The following DSCAML1 variants were observed in gnomAD, a reference collection of about 807,000 sequenced individuals.
DSCAML1 encodes the protein cell adhesion molecule DSCAML1.
In DSCAML1, 38 loss-of-function variants were observed where a neutral mutation model predicts 200.5. That is an observed-to-expected ratio of 0.19 (90% CI 0.15 to 0.25). The LOEUF is 0.25. Among genes scored for constraint, DSCAML1 ranks in the 10% least tolerant of loss-of-function variants. DSCAML1 has a pLI of 1.00. For missense variants in DSCAML1, 2,223 were observed against 2,858.8 expected (o/e 0.78, Z 5.07); for synonymous variants, 1,215 against 1,165.0 (o/e 1.04, Z -0.87).
chr11:117,471,364 G>T (rs1018793204), intron 15 of DSCAML1, among the ~76,000 whole-genome samples: 1 of 152,166 alleles, frequency 6.6e-6, no homozygotes, highest in African/African-American at 2.4e-5. Flanking sequence ...TAGAGACAGG[G>T]TTTCACCAAG....
At position 117,699,706 on chromosome 11, in the gene DSCAML1, G is replaced by C. The variant is rs978280216; in HGVS notation, c.511+77085C>G. Among the ~76,000 whole-genome samples the C allele has an allele frequency of 3.9e-5, 6 of 152,202 alleles. No homozygotes were observed. In the South Asian group the frequency reaches 6.2e-4, roughly 16 times the overall value. On this transcript the variant is annotated intron_variant, in intron 3 of 32. Transcript: ENST00000651296. ...CCCAGTACCCACAGTGGCTCTGAAG[G>C]CTCCCCCAACTACTTCTGCTCCATC...
Position 117,428,759 on chromosome 11 carries a change from A to G in DSCAML1, c.5731T>C (p.Phe1911Leu). 1 of 1,611,776 alleles carries G rather than the reference A, an allele frequency of 6.2e-7. No individual in the cohort carries two copies. The highest frequency in any genetic ancestry group is 8.5e-7 in the Non-Finnish European group (1 of 1,179,340). The change falls in exon 33 of 33, where the codon TTT becomes CTT. Residue 1911 changes from phenylalanine to leucine, a missense_variant. Transcript: ENST00000651296. ...GGCTCACGTCCATCTGCCTTTCGAA[A>G]GAAGGCCTCTGACTTGGCATACAGG... ...LPLYAKSEAF[F>L]RKADGREPCP...
At chr11:117,443,594 G>A (rs565759186) in intron 21 of DSCAML1, among the ~76,000 whole-genome samples, 1 of 152,322 alleles carries the variant, frequency 6.6e-6, no homozygotes, top group East Asian at 1.9e-4. Flanking sequence ...GGGGGTAGAG[G>A]CGACTCCCCC....
chr11:117,722,805 T>C (rs905566918), intron 3 of DSCAML1, among the ~76,000 whole-genome samples: 2 of 152,188 alleles, frequency 1.3e-5, no homozygotes, highest in South Asian at 4.1e-4. Context: ...GTTTCAGATA[T>C]GTTGCTGACA....
intron 3 of DSCAML1, among the ~76,000 whole-genome samples, chr11:117,654,586 T>G (rs1258625729): frequency 6.6e-6 from 1 of 152,124 alleles, no homozygotes; most frequent in African/African-American, 2.4e-5. Context: ...CATGAGCACA[T>G]GGAATCGGAA....
At chr11:117,650,432 GAAT>G (rs768346239) in intron 3 of DSCAML1, among the ~76,000 whole-genome samples, 2 of 152,156 alleles carry the variant, frequency 1.3e-5, no homozygotes, top group Non-Finnish European at 2.9e-5. Context: ...ATGAATGAAT[GAAT>G]GCCCTGAAGA....
chr11:117,720,869 C>T (rs948106), intron 3 of DSCAML1, among the ~76,000 whole-genome samples: 143,368 of 152,320 alleles, frequency 0.94, 67,661 homozygotes, highest in South Asian at 0.99. Context: ...ATTACCATTA[C>T]TAGTTAACCA....
chr11:117,653,811 C>A (rs2052680594), intron 3 of DSCAML1, among the ~76,000 whole-genome samples: 1 of 152,164 alleles, frequency 6.6e-6, no homozygotes, highest in South Asian at 2.1e-4. Flanking sequence ...ACCAAAATGT[C>A]CATCAACTGG....
At chr11:117,562,033 A>G (rs776950018) in intron 3 of DSCAML1, among the ~76,000 whole-genome samples, 10 of 152,182 alleles carry the variant, frequency 6.6e-5, no homozygotes, top group Non-Finnish European at 1.0e-4. Flanking sequence ...GGCAGGGAGG[A>G]GGCGTAGACT....
At position 117,740,471 on chromosome 11, in the gene DSCAML1, G is replaced by C. The variant is rs192065067; in HGVS notation, c.511+36320C>G. Among the ~76,000 whole-genome samples the C allele has an allele frequency of 3.2e-4, 48 of 152,254 alleles. 2 individuals are homozygous for C. In the East Asian group the frequency reaches 8.1e-3, roughly 26 times the overall value. On this transcript the variant is annotated intron_variant, in intron 3 of 32. Transcript: ENST00000651296. ...TTCAGTGCTAAAACCTGAGTCCTGG[G>C]AGAACCAGGACAAGCTGGTCACCCT...
At chr11:117,535,548 G>A (rs1367005293) in intron 3 of DSCAML1, among the ~76,000 whole-genome samples, 2 of 152,240 alleles carry the variant, frequency 1.3e-5, no homozygotes, top group Non-Finnish European at 2.9e-5. Context: ...CCTGCAGCTG[G>A]CTGTCAGAGG....
chr11:117,465,818 G>A (rs2048569484), intron 16 of DSCAML1, among the ~76,000 whole-genome samples: 1 of 152,118 alleles, frequency 6.6e-6, no homozygotes, highest in Admixed American at 6.6e-5. Context: ...AGGGGCCTGG[G>A]GAAAATAGAA....
intron 19 of DSCAML1, among the ~76,000 whole-genome samples, chr11:117,456,289 C>T (rs2048366551): frequency 1.3e-5 from 2 of 152,196 alleles, no homozygotes; most frequent in South Asian, 4.1e-4. Context: ...CTGACTTAAC[C>T]AACCCTGGAG....
At chr11:117,568,115 A>T (rs1195554928) in intron 3 of DSCAML1, among the ~76,000 whole-genome samples, 1 of 152,258 alleles carries the variant, frequency 6.6e-6, no homozygotes, top group Non-Finnish European at 1.5e-5. Context: ...AGAACCAAAG[A>T]CAAAAACCAA....
chr11:117,652,245 C>T lies in DSCAML1; in HGVS notation c.512-119723G>A, dbSNP rs114299798. On this transcript the variant is annotated intron_variant, in intron 3 of 32. Transcript: ENST00000651296. ...AGGCGTTGGTAGAATTAGTCTCCAG[C>T]GTGTTGCCTGCTCTAGTCCCCAGCT... Among the ~76,000 whole-genome samples, 575 of 152,334 alleles carry T rather than the reference C, an allele frequency of 3.8e-3. 6 individuals carry two copies. Among genetic ancestry groups the T allele is most frequent in the African/African-American group, 0.013 (536 of 41,568 alleles).
At chr11:117,475,343 T>C (rs1299533322) in intron 14 of DSCAML1, among the ~76,000 whole-genome samples, 1 of 152,204 alleles carries the variant, frequency 6.6e-6, no homozygotes, top group Non-Finnish European at 1.5e-5. Context: ...AATTCTTCAA[T>C]AGTTGTTCCT....
chr11:117,612,743 G>A (rs990261627), intron 3 of DSCAML1, among the ~76,000 whole-genome samples: 4 of 152,238 alleles, frequency 2.6e-5, no homozygotes, highest in African/African-American at 9.6e-5. Flanking sequence ...CTGGTGGGAT[G>A]GGCATCGTCA....
intron 3 of DSCAML1, among the ~76,000 whole-genome samples, chr11:117,635,719 G>T (rs1382494250): frequency 6.6e-6 from 1 of 152,080 alleles, no homozygotes; most frequent in East Asian, 1.9e-4. Context: ...CAAAAAAAGG[G>T]CAGAGTTTAT....
At chr11:117,689,763 G>A (rs974386029) in intron 3 of DSCAML1, among the ~76,000 whole-genome samples, 3 of 152,176 alleles carry the variant, frequency 2.0e-5, no homozygotes, top group East Asian at 3.8e-4. Context: ...TGCCTCTGTC[G>A]AGCTGAGACC....
Sources: allele counts gnomAD v4.1 joint callset (sites outside exome capture counted in the v4.1 genomes callset), GRCh38; gene constraint gnomAD v4.1.1; transcripts MANE v1.5; gene names NCBI Gene and HGNC (gene_info 2026-07-23, HGNC 2026-07-21).